The following CTNND2 variants were observed in gnomAD, a reference collection of about 807,000 sequenced individuals.
The protein encoded by CTNND2 is catenin delta-2.
Under a neutral mutation model 144.4 loss-of-function variants are expected in CTNND2, and 22 were observed. That is an observed-to-expected ratio of 0.15 (90% confidence interval 0.11 to 0.22). CTNND2 has a LOEUF of 0.22. Among genes scored for constraint, CTNND2 ranks in the 10% least tolerant of loss-of-function variants. CTNND2 has a pLI of 1.00. For missense variants in CTNND2, 1,353 were observed against 1,618.8 expected, an observed-to-expected ratio of 0.84 and a Z score of 2.82; for synonymous variants, 751 against 695.6, an observed-to-expected ratio of 1.08 and a Z score of -1.25.
chr5:11,564,516 G>A (rs1776922899), intron 3 of CTNND2, among the ~76,000 whole-genome samples: 1 of 151,960 alleles, frequency 6.6e-6, no homozygotes, highest in Admixed American at 6.6e-5. Context: ...TCTTCAAGGG[G>A]CAATTTCATA....
intron 7 of CTNND2, among the ~76,000 whole-genome samples, chr5:11,366,657 C>T (rs1018190368): frequency 2.1e-5 from 3 of 139,928 alleles, no homozygotes; most frequent in African/African-American, 8.3e-5. Context: ...GAAAATATTG[C>T]TAAGGATTTA....
intron 3 of CTNND2, among the ~76,000 whole-genome samples, chr5:11,445,150 C>A (rs1322883929): frequency 6.6e-6 from 1 of 152,128 alleles, no homozygotes; most frequent in African/African-American, 2.4e-5. Context: ...ACAGGAGGAT[C>A]TTTCCTTTTC....
At chr5:11,397,530 A>G (rs1760258345) in intron 5 of CTNND2, among the ~76,000 whole-genome samples, 1 of 152,184 alleles carries the variant, frequency 6.6e-6, no homozygotes, top group Non-Finnish European at 1.5e-5. Context: ...AATATCAGAA[A>G]CATTTGAAAT....
intron 2 of CTNND2, among the ~76,000 whole-genome samples, chr5:11,599,433 A>G (rs1581588157): frequency 6.6e-6 from 1 of 152,302 alleles, no homozygotes; most frequent in East Asian, 1.9e-4. Context: ...TGTAGTTATA[A>G]ATACATTTAC....
chr5:11,428,127 T>C (rs953347949), intron 3 of CTNND2, among the ~76,000 whole-genome samples: 3 of 152,136 alleles, frequency 2.0e-5, no homozygotes, highest in South Asian at 2.1e-4. Flanking sequence ...GTCCCTCCTA[T>C]AACACGTGGG....
At chr5:11,767,057 C>T (rs1200094958) in intron 1 of CTNND2, among the ~76,000 whole-genome samples, 1 of 152,054 alleles carries the variant, frequency 6.6e-6, no homozygotes, top group Non-Finnish European at 1.5e-5. Flanking sequence ...TTCGTGACTC[C>T]ATGTAGTTAG....
chr5:11,612,448 T>C (rs1049444343), intron 2 of CTNND2, among the ~76,000 whole-genome samples: 3 of 152,216 alleles, frequency 2.0e-5, no homozygotes, highest in African/African-American at 7.2e-5. Flanking sequence ...TATGCTAAGA[T>C]ACATGGGATC....
At position 11,492,491 on chromosome 5, in the gene CTNND2, C is replaced by CTA. The variant is rs67244381; in HGVS notation, c.287+72451_287+72452dup. On this transcript the variant is annotated intron_variant, in intron 3 of 21. Coordinates refer to ENST00000304623, the MANE Select transcript of CTNND2 (RefSeq NM_001332.4). Reference sequence around the variant, plus strand: ...GATTTTCAGATATCTCTTTCTACAGCTATATATATATATATGTGTGTGTGT... The same window carrying CTA: ...GATTTTCAGATATCTCTTTCTACAGCTATATATATATATATATGTGTGTGTGT... 2.0e-3 allele frequency among the ~76,000 whole-genome samples: 263 copies of CTA among 134,294 alleles called. 3 individuals carry two copies. Among genetic ancestry groups the CTA allele is most frequent in the East Asian group, 0.015 (72 of 4,806 alleles). 88.1% of individuals were successfully genotyped at this position (134,294 alleles called of 152,430 possible).
At chr5:11,899,709 T>C (rs1362935062) in intron 1 of CTNND2, among the ~76,000 whole-genome samples, 1 of 152,242 alleles carries the variant, frequency 6.6e-6, no homozygotes, top group African/African-American at 2.4e-5. Flanking sequence ...AAGCCACTTA[T>C]CCATGCTCTT....
intron 2 of CTNND2, among the ~76,000 whole-genome samples, chr5:11,624,604 G>T (rs969846291): frequency 6.6e-6 from 1 of 151,998 alleles, no homozygotes; most frequent in African/African-American, 2.4e-5. Context: ...AAAATTAAAA[G>T]GAGACCTGAA....
chr5:11,703,960 T>G (rs1320398181), intron 2 of CTNND2, among the ~76,000 whole-genome samples: 1 of 152,182 alleles, frequency 6.6e-6, no homozygotes, highest in Non-Finnish European at 1.5e-5. Context: ...TCAAATAATC[T>G]TAAACAAGCA....
chr5:11,361,126 T>C lies in CTNND2; in HGVS notation c.1372+3570A>G, dbSNP rs531116010. The stretch of plus-strand genomic sequence containing the variant: ...ACCTCCATCTCCTGGCTTCAAGTGA[T>C]TCTCCTGCCTCAGCATCCCGAGTAG... On this transcript the variant is annotated intron_variant, in intron 8 of 21. Transcript: ENST00000304623. Among the ~76,000 whole-genome samples the C allele has an allele frequency of 3.3e-5, 5 of 152,270 alleles. No individual in the cohort carries two copies. In the South Asian group the frequency reaches 1.0e-3, roughly 32 times the overall value.
At chr5:11,355,783 C>G (rs1755807989) in intron 8 of CTNND2, among the ~76,000 whole-genome samples, 1 of 151,974 alleles carries the variant, frequency 6.6e-6, no homozygotes, top group East Asian at 1.9e-4. Context: ...ATGGGCAGCC[C>G]TAAAGACTCC....
intron 2 of CTNND2, among the ~76,000 whole-genome samples, chr5:11,619,450 G>A (rs1218928623): frequency 6.6e-6 from 1 of 151,986 alleles, no homozygotes; most frequent in Non-Finnish European, 1.5e-5. Context: ...TTTATTCTCA[G>A]TATTTTTTCT....
At chr5:11,096,889 G>A (rs1231013736) in intron 15 of CTNND2, among the ~76,000 whole-genome samples, 1 of 152,126 alleles carries the variant, frequency 6.6e-6, no homozygotes, top group African/African-American at 2.4e-5. Flanking sequence ...TAGTCAGGCT[G>A]ATGCCTGAAG....
At chr5:11,315,963 A>C (rs373062998) in intron 9 of CTNND2, among the ~76,000 whole-genome samples, 116 of 152,316 alleles carry the variant, frequency 7.6e-4, no homozygotes, top group African/African-American at 2.5e-3. Flanking sequence ...GGCCATTACC[A>C]ACCTGGATTA....
At chr5:11,698,291 T>A (rs10044972) in intron 2 of CTNND2, among the ~76,000 whole-genome samples, 35,889 of 128,222 alleles carry the variant, frequency 0.28, 4,924 homozygotes, top group African/African-American at 0.51. Context: ...CATTATTATT[T>A]TTTTTTTTTT....
chr5:11,181,165 A>G (rs1760960440), intron 11 of CTNND2, among the ~76,000 whole-genome samples: 1 of 152,072 alleles, frequency 6.6e-6, no homozygotes, highest in Non-Finnish European at 1.5e-5. Flanking sequence ...CTGGAGTGGG[A>G]GCCATTATTT....
At chr5:11,320,569 A>G (rs1434046934) in intron 9 of CTNND2, among the ~76,000 whole-genome samples, 1 of 152,262 alleles carries the variant, frequency 6.6e-6, no homozygotes, top group East Asian at 1.9e-4. Flanking sequence ...ACAGTTCCAC[A>G]TGGCTGGGTG....
Sources: allele counts gnomAD v4.1 joint callset (sites outside exome capture counted in the v4.1 genomes callset), GRCh38; gene constraint gnomAD v4.1.1; transcripts MANE v1.5; gene names NCBI Gene and HGNC (gene_info 2026-07-23, HGNC 2026-07-21).